SYT9: variants seen among roughly 807,000 people sequenced by gnomAD.
The protein encoded by SYT9 is synaptotagmin-9.
SYT9 carries 22 observed loss-of-function variants against 48.4 expected under a neutral mutation model. The ratio of observed to expected loss-of-function variants is 0.45; its 90% CI spans 0.32 to 0.65. SYT9 has a LOEUF of 0.65. SYT9 is among the 30% of genes least tolerant of loss of function. The pLI is 0.03. For synonymous variants in SYT9, 265 were observed against 245.0 expected, an observed-to-expected ratio of 1.08 and a Z score of -0.76; for missense variants, 577 against 622.0, an observed-to-expected ratio of 0.93 and a Z score of 0.77.
At chr11:7,360,705 C>G (rs1480904015) in intron 3 of SYT9, among the ~76,000 whole-genome samples, 1 of 152,120 alleles carries the variant, frequency 6.6e-6, no homozygotes, top group East Asian at 1.9e-4. Flanking sequence ...TAATTTTCCT[C>G]TCTCCTACTG....
At chr11:7,424,218 C>T (rs1271861803) in intron 6 of SYT9, among the ~76,000 whole-genome samples, 1 of 152,162 alleles carries the variant, frequency 6.6e-6, no homozygotes, top group Non-Finnish European at 1.5e-5. Flanking sequence ...CCGTTTCTCT[C>T]GCAGGAATTC....
At chr11:7,462,607 A>C (rs1490730394) in intron 6 of SYT9, among the ~76,000 whole-genome samples, 1 of 152,246 alleles carries the variant, frequency 6.6e-6, no homozygotes, top group Non-Finnish European at 1.5e-5. Flanking sequence ...TCAGATTCTA[A>C]ACCAGCAGAG....
chr11:7,423,433 C>T (rs747940639), intron 6 of SYT9, among the ~76,000 whole-genome samples: 29 of 152,246 alleles, frequency 1.9e-4, no homozygotes, highest in Middle Eastern at 3.4e-3. Context: ...GACCTATATT[C>T]GAATTGCTGT....
At chr11:7,294,214 T>C (rs1848747951) in intron 1 of SYT9, among the ~76,000 whole-genome samples, 2 of 152,208 alleles carry the variant, frequency 1.3e-5, no homozygotes, top group Admixed American at 6.5e-5. Flanking sequence ...TACCATTATA[T>C]TGGATGTTGG....
At chr11:7,370,485 G>A (rs1378664547) in intron 3 of SYT9, among the ~76,000 whole-genome samples, 1 of 152,144 alleles carries the variant, frequency 6.6e-6, no homozygotes, top group Non-Finnish European at 1.5e-5. Context: ...TTTCTAAGGT[G>A]ATGGTAATGT....
intron 3 of SYT9, among the ~76,000 whole-genome samples, chr11:7,350,747 C>A (rs1226397607): frequency 6.6e-6 from 1 of 152,210 alleles, no homozygotes; most frequent in Non-Finnish European, 1.5e-5. Flanking sequence ...CACCAACTTT[C>A]AACCTGAGAG....
intron 3 of SYT9, among the ~76,000 whole-genome samples, chr11:7,335,112 T>C (rs1192633990): frequency 6.6e-6 from 1 of 152,220 alleles, no homozygotes; most frequent in East Asian, 1.9e-4. Flanking sequence ...GTGAAAGTTC[T>C]AGTTGCTCTA....
At chr11:7,436,229 C>T (rs1361098372) in intron 6 of SYT9, among the ~76,000 whole-genome samples, 2 of 152,116 alleles carry the variant, frequency 1.3e-5, no homozygotes, top group Non-Finnish European at 2.9e-5. Flanking sequence ...GCAGGACATG[C>T]TTGCTATTGA....
At chr11:7,280,268 G>A (rs1848470190) in intron 1 of SYT9, among the ~76,000 whole-genome samples, 1 of 152,178 alleles carries the variant, frequency 6.6e-6, no homozygotes. Flanking sequence ...TGTATCCATA[G>A]CAACCTTAGG....
chr11:7,329,354 A>G (rs1849488978), intron 3 of SYT9, among the ~76,000 whole-genome samples: 1 of 152,144 alleles, frequency 6.6e-6, no homozygotes, highest in African/African-American at 2.4e-5. Flanking sequence ...TGTAATTTTC[A>G]TTCCTAGAAG....
intron 3 of SYT9, among the ~76,000 whole-genome samples, chr11:7,355,909 C>A (rs1850012918): frequency 6.6e-6 from 1 of 152,234 alleles, no homozygotes; most frequent in Admixed American, 6.5e-5. Context: ...CCAGTCCCTT[C>A]CTGATTGTCT....
chr11:7,309,866 G>C (rs976528588), intron 2 of SYT9, among the ~76,000 whole-genome samples: 1 of 151,976 alleles, frequency 6.6e-6, no homozygotes, highest in African/African-American at 2.4e-5. Flanking sequence ...GCCTCTCCCC[G>C]AACTCCAGTA....
At chr11:7,462,080 A>G (rs1164766030) in intron 6 of SYT9, among the ~76,000 whole-genome samples, 1 of 147,964 alleles carries the variant, frequency 6.8e-6, no homozygotes, top group African/African-American at 2.6e-5. Flanking sequence ...AATCCTTTCT[A>G]GAAAGGTGCT....
At chr11:7,338,962 T>C (rs1004951519) in intron 3 of SYT9, among the ~76,000 whole-genome samples, 14 of 152,188 alleles carry the variant, frequency 9.2e-5, no homozygotes, top group African/African-American at 3.1e-4. Flanking sequence ...CCCACTATTA[T>C]TGTGTGAGAG....
At chr11:7,247,599 GTATA>G (rs754530851), upstream of SYT9, among the ~76,000 whole-genome samples, 1 of 141,442 alleles carries the variant, frequency 7.1e-6, no homozygotes, top group Non-Finnish European at 1.5e-5. Flanking sequence ...GTATATATAC[GTATA>G]TATACATATA....
chr11:7,313,902 G>A lies in SYT9; in HGVS notation c.1005G>A (p.Arg335=). The change falls in exon 3 of 7, where the codon AGG becomes AGA. Residue 335 remains arginine (R), a synonymous_variant. Coordinates refer to ENST00000318881, the MANE Select transcript of SYT9 (RefSeq NM_175733.4). ...DHFLDLADFP[R]ECILWKDIEY... Reference sequence around the variant, plus strand: ...TCCTAGACTTGGCTGATTTCCCCAGGGAGTGCATCCTTTGGAAGGATATCG... The same window carrying A: ...TCCTAGACTTGGCTGATTTCCCCAGAGAGTGCATCCTTTGGAAGGATATCG... The A allele has an allele frequency of 6.2e-7, 1 of 1,613,816 alleles. No individual in the cohort carries two copies. Among genetic ancestry groups the A allele is most frequent in the South Asian group, 1.1e-5 (1 of 91,054 alleles).
intron 1 of SYT9, among the ~76,000 whole-genome samples, chr11:7,240,744 G>T (rs1481201234): frequency 1.3e-5 from 2 of 152,112 alleles, no homozygotes; most frequent in Non-Finnish European, 2.9e-5. Flanking sequence ...ATCAATGGAG[G>T]TTAAAGTTAT....
chr11:7,274,212 GC>G (rs942701120), intron 1 of SYT9, among the ~76,000 whole-genome samples: 10 of 151,846 alleles, frequency 6.6e-5, no homozygotes, highest in African/African-American at 2.4e-4. Flanking sequence ...TTCCAGTGGA[GC>G]CCCCTCATTA....
In SYT9 at chr11:7,252,507, G is replaced by T. The variant is rs1009083520; in HGVS notation, c.145+176G>T. On this transcript the variant is annotated intron_variant, in intron 1 of 6. Transcript: ENST00000318881. The surrounding 1 kb of genome is among the most constrained non-coding windows in gnomAD (Gnocchi z 6.3). The stretch of plus-strand genomic sequence containing the variant: ...GTGGCCTGATGCTGTAACCAGGCGG[G>T]GACCCGGGCGGTGGCTACTGCACGG... 6.6e-6 allele frequency among the ~76,000 whole-genome samples: 1 copy of T among 152,106 alleles called. No individual in the cohort carries two copies. Among genetic ancestry groups the T allele is most frequent in the African/African-American group, 2.4e-5 (1 of 41,432 alleles).
Sources: gnomAD v4.1 joint callset for allele counts (sites outside exome capture counted in the v4.1 genomes callset) on GRCh38, gnomAD v4.1.1 for gene constraint, Gnocchi (gnomAD v3.1) non-coding constraint, MANE v1.5 for transcripts, NCBI Gene and HGNC (gene_info 2026-07-23, HGNC 2026-07-21) for gene names.